The following NALF1 variants were observed in gnomAD, a reference collection of about 807,000 sequenced individuals.
The protein encoded by NALF1 is family with sequence similarity 155 member A.
In NALF1, 3 loss-of-function variants were observed where a neutral mutation model predicts 48.4. The ratio of observed to expected loss-of-function variants is 0.06; its 90% CI spans 0.03 to 0.16. NALF1 has a LOEUF of 0.16. Among genes scored for constraint, NALF1 ranks in the 10% least tolerant of loss-of-function variants. The probability of loss-of-function intolerance (pLI) is 1.00; values close to 1 mark genes in which losing one functional copy is unlikely to be tolerated. For missense variants in NALF1, 526 were observed against 571.5 expected (o/e 0.92, Z 0.81); for synonymous variants, 262 against 245.7 (o/e 1.07, Z -0.62).
At chr13:107,422,571 T>C (rs1884207505) in intron 1 of NALF1, among the ~76,000 whole-genome samples, 1 of 152,144 alleles carries the variant, frequency 6.6e-6, no homozygotes, top group African/African-American at 2.4e-5. Context: ...TGCTTCATGT[T>C]GTCTTTACTG....
intron 1 of NALF1, among the ~76,000 whole-genome samples, chr13:107,573,705 A>C (rs1192779440): frequency 6.6e-6 from 1 of 152,106 alleles, no homozygotes; most frequent in Non-Finnish European, 1.5e-5. Context: ...GGTCGGAGGT[A>C]ATTGAATCAT....
chr13:107,665,430 A>G (rs575970152), intron 1 of NALF1, among the ~76,000 whole-genome samples: 1 of 152,166 alleles, frequency 6.6e-6, no homozygotes, highest in African/African-American at 2.4e-5. Context: ...TTTACAATAC[A>G]GGCACTGTAA....
chr13:107,205,340 C>A (rs17432735), intron 2 of NALF1, among the ~76,000 whole-genome samples: 6,525 of 152,156 alleles, frequency 0.043, 198 homozygotes, highest in South Asian at 0.084. Flanking sequence ...AAGTCACTCA[C>A]AAGTAAACCG....
chr13:107,200,708 T>C (rs1457858311), intron 2 of NALF1, among the ~76,000 whole-genome samples: 1 of 152,214 alleles, frequency 6.6e-6, no homozygotes, highest in African/African-American at 2.4e-5. Context: ...CTGTAACCCA[T>C]GACATCAGTC....
At chr13:107,323,738 C>T (rs1882299506) in intron 1 of NALF1, among the ~76,000 whole-genome samples, 1 of 152,162 alleles carries the variant, frequency 6.6e-6, no homozygotes, top group South Asian at 2.1e-4. Flanking sequence ...ATTATGAAAA[C>T]ATTCCATTGT....
chr13:107,549,046 C>G lies in NALF1; in HGVS notation c.915+316636G>C, dbSNP rs137866286. 3.0e-3 allele frequency among the ~76,000 whole-genome samples: 451 copies of G among 152,140 alleles called. 4 individuals carry two copies. Among genetic ancestry groups the G allele is most frequent in the African/African-American group, 0.01 (422 of 41,524 alleles). On this transcript the variant is annotated intron_variant, in intron 1 of 2. Coordinates refer to ENST00000375915, the MANE Select transcript of NALF1 (RefSeq NM_001080396.3). Reference sequence around the variant, plus strand: ...TAATATGAGCTTTTACCTCCAAAATCCTGGACCTAAGATGATTTTTACATT... The same window carrying G: ...TAATATGAGCTTTTACCTCCAAAATGCTGGACCTAAGATGATTTTTACATT...
chr13:107,803,534 A>C (rs1878683921), intron 1 of NALF1, among the ~76,000 whole-genome samples: 1 of 152,132 alleles, frequency 6.6e-6, no homozygotes, highest in African/African-American at 2.4e-5. Flanking sequence ...TCATCTTTAA[A>C]ATATCACGTT....
intron 1 of NALF1, among the ~76,000 whole-genome samples, chr13:107,452,834 G>A (rs772692944): frequency 1.4e-4 from 21 of 152,278 alleles, no homozygotes; most frequent in South Asian, 1.2e-3. Flanking sequence ...TACAAAGGGG[G>A]TAAAGGCCTT....
At chr13:107,207,924 G>T (rs551376410) in intron 2 of NALF1, among the ~76,000 whole-genome samples, 1 of 152,242 alleles carries the variant, frequency 6.6e-6, no homozygotes, top group South Asian at 2.1e-4. Flanking sequence ...AAATTGTGTG[G>T]ATTACAGGCA....
chr13:107,796,030 C>T (rs1340956048), intron 1 of NALF1, among the ~76,000 whole-genome samples: 1 of 152,170 alleles, frequency 6.6e-6, no homozygotes, highest in African/African-American at 2.4e-5. Flanking sequence ...TATTGTAGTC[C>T]TAAGCCACGA....
chr13:107,327,807 G>A (rs1407079592), intron 1 of NALF1, among the ~76,000 whole-genome samples: 1 of 152,114 alleles, frequency 6.6e-6, no homozygotes, highest in African/African-American at 2.4e-5. Context: ...GTATCCTGGT[G>A]ACTGATTATG....
chr13:107,436,505 A>G (rs114826020), intron 1 of NALF1, among the ~76,000 whole-genome samples: 233 of 152,304 alleles, frequency 1.5e-3, no homozygotes, highest in African/African-American at 5.2e-3. Context: ...ATGCAGTAAA[A>G]GCATTTGACA....
intron 1 of NALF1, among the ~76,000 whole-genome samples, chr13:107,311,461 G>T (rs116925161): frequency 0.024 from 3,702 of 152,012 alleles, 48 homozygotes; most frequent in Middle Eastern, 0.052. Flanking sequence ...TTTGTATACA[G>T]AGGTTTACTG....
intron 1 of NALF1, among the ~76,000 whole-genome samples, chr13:107,850,862 T>G (rs983999525): frequency 6.6e-6 from 1 of 151,164 alleles, no homozygotes; most frequent in African/African-American, 2.4e-5. Context: ...AAGATAGCAC[T>G]CCTGCACTCC....
At chr13:107,356,198 C>G (rs1317121401) in intron 1 of NALF1, among the ~76,000 whole-genome samples, 1 of 152,068 alleles carries the variant, frequency 6.6e-6, no homozygotes, top group Non-Finnish European at 1.5e-5. Context: ...GACCACTGCT[C>G]TGAAAGTAAC....
intron 2 of NALF1, among the ~76,000 whole-genome samples, chr13:107,197,802 G>T (rs1007098323): frequency 1.3e-5 from 2 of 152,150 alleles, no homozygotes; most frequent in African/African-American, 4.8e-5. Context: ...TAATAAATTT[G>T]AAGTTTCCTC....
At chr13:107,860,587 T>C (rs1169786335) in intron 1 of NALF1, among the ~76,000 whole-genome samples, 7 of 152,202 alleles carry the variant, frequency 4.6e-5, no homozygotes, top group Admixed American at 4.6e-4. Context: ...CAAAGGCCAC[T>C]AATCTAGAGT....
intron 1 of NALF1, among the ~76,000 whole-genome samples, chr13:107,524,465 A>T (rs1381312779): frequency 6.6e-6 from 1 of 152,124 alleles, no homozygotes; most frequent in Non-Finnish European, 1.5e-5. Flanking sequence ...CAATGTCAAC[A>T]TTTAAAGGAT....
At chr13:107,381,360 C>G (rs1248649176) in intron 1 of NALF1, among the ~76,000 whole-genome samples, 1 of 151,550 alleles carries the variant, frequency 6.6e-6, no homozygotes, top group Non-Finnish European at 1.5e-5. Flanking sequence ...ACCACTACAC[C>G]CAACTATTTT....
Sources: gnomAD v4.1 joint callset for allele counts (sites outside exome capture counted in the v4.1 genomes callset) on GRCh38, gnomAD v4.1.1 for gene constraint, MANE v1.5 for transcripts, NCBI Gene and HGNC (gene_info 2026-07-23, HGNC 2026-07-21) for gene names.